TNR: variants seen among roughly 807,000 people sequenced by gnomAD.
The protein encoded by TNR is tenascin-R.
In TNR, 45 loss-of-function variants were observed where a neutral mutation model predicts 150.4. That is an observed-to-expected ratio of 0.30 (90% confidence interval 0.24 to 0.38). TNR has a LOEUF of 0.38. Ranked by LOEUF, TNR falls within the 10% of genes least tolerant of loss-of-function variation. The pLI, the probability that TNR is intolerant of heterozygous loss-of-function variation, is 1.00. For missense variants in TNR, 1,544 were observed against 1,759.1 expected, an observed-to-expected ratio of 0.88 and a Z score of 2.19; for synonymous variants, 687 against 678.4, an observed-to-expected ratio of 1.01 and a Z score of -0.20.
Position 175,359,729 on chromosome 1 carries a change from T to C in TNR, c.2857A>G (p.Met953Val). Residue 953 changes from methionine to valine, a missense_variant and splice_region_variant, in exon 15 of 23, where the codon ATG (methionine) becomes GTG (valine). Coordinates refer to ENST00000367674, the MANE Select transcript of TNR (RefSeq NM_003285.3). ...ERICTLVHTA[M>V]DNPVDLIATN... is the part of the protein sequence containing the mutation. ...GCAATCAGATCCACAGGGTTGTCCATGGCTGAAACAGAATAGATTATCAGT... is the reference window on the plus strand; with the variant it reads ...GCAATCAGATCCACAGGGTTGTCCACGGCTGAAACAGAATAGATTATCAGT... The C allele has an allele frequency of 6.2e-7, 1 of 1,609,674 alleles. No homozygotes were observed.
chr1:175,690,243 G>A lies in TNR; in HGVS notation c.-165+52983C>T, dbSNP rs149074544. Among the ~76,000 whole-genome samples the A allele has an allele frequency of 3.3e-4, 50 of 152,306 alleles. No homozygotes were observed. The East Asian group carries it at 5.2e-3, about 16-fold the overall frequency. ...CTACTACGTGTGGGGTACTGTTATAGGCTCTGAAGTACTGAAGTGACAAAG... is the reference window on the plus strand; with the variant it reads ...CTACTACGTGTGGGGTACTGTTATAAGCTCTGAAGTACTGAAGTGACAAAG... On this transcript the variant is annotated intron_variant, in intron 1 of 22. Transcript: ENST00000367674.
At chr1:175,629,151 C>T (rs992777533) in intron 1 of TNR, among the ~76,000 whole-genome samples, 5 of 152,294 alleles carry the variant, frequency 3.3e-5, no homozygotes, top group African/African-American at 1.2e-4. Context: ...TCTCCAGCAA[C>T]TGATCTTGTC....
intron 1 of TNR, among the ~76,000 whole-genome samples, chr1:175,579,838 A>T (rs1365744139): frequency 1.3e-5 from 2 of 152,056 alleles, no homozygotes; most frequent in African/African-American, 4.8e-5. Flanking sequence ...ATCCCCAGGC[A>T]GGTCCTGCCT....
chr1:175,633,978 T>C (rs1293640460), intron 1 of TNR, among the ~76,000 whole-genome samples: 1 of 152,028 alleles, frequency 6.6e-6, no homozygotes, highest in Non-Finnish European at 1.5e-5. Context: ...TTTGCTTTTT[T>C]CTTTCGTAGG....
chr1:175,406,896 A>G, intron 2 of TNR, 119 bp from the exon 3 acceptor site: 1 of 700,014 alleles, frequency 1.4e-6, no homozygotes, highest in Non-Finnish European at 2.3e-6. Context: ...GGGGGGCGTC[A>G]GGAAGGGACA....
At chr1:175,731,331 A>ATT (rs1454141984) in intron 1 of TNR, among the ~76,000 whole-genome samples, 1 of 152,212 alleles carries the variant, frequency 6.6e-6, no homozygotes, top group African/African-American at 2.4e-5. Flanking sequence ...AAGTCACTGA[A>ATT]ACTCTATAGT....
intron 2 of TNR, among the ~76,000 whole-genome samples, chr1:175,522,579 T>C (rs918429343): frequency 3.1e-4 from 47 of 152,194 alleles, no homozygotes; most frequent in African/African-American, 1.1e-3. Flanking sequence ...AAAATTGCTT[T>C]CTTAAATAGA....
Position 175,484,787 on chromosome 1 carries a change from C to A in TNR, c.-64+43482G>T, listed in dbSNP as rs192114611. 1.2e-4 allele frequency among the ~76,000 whole-genome samples: 19 copies of A among 152,302 alleles called. No homozygotes were observed. The East Asian group carries it at 2.1e-3, about 17-fold the overall frequency. ...AGATGCAGAGATGTCTTTGAGGGGA[C>A]TGGCAGGTCAGCTGTGGATGGAAGA... On this transcript the variant is annotated intron_variant, in intron 2 of 22. Transcript: ENST00000367674.
In TNR at chr1:175,588,070, A is replaced by G. The variant is rs75762225; in HGVS notation, c.-164-59701T>C. On this transcript the variant is annotated intron_variant, in intron 1 of 22. Coordinates refer to ENST00000367674, the MANE Select transcript of TNR (RefSeq NM_003285.3). ...TAAAGAGGGATTGGATTTGTCTTGC[A>G]TAGTGTGAAGAGGTGAAGTTCAAGT... Among the ~76,000 whole-genome samples, 1,390 of 152,320 alleles carry G rather than the reference A, an allele frequency of 9.1e-3. 25 individuals carry two copies. Among genetic ancestry groups the G allele is most frequent in the African/African-American group, 0.031 (1,268 of 41,558 alleles).
At chr1:175,605,828 G>A (rs906941204) in intron 1 of TNR, among the ~76,000 whole-genome samples, 7 of 152,138 alleles carry the variant, frequency 4.6e-5, no homozygotes, top group Non-Finnish European at 8.8e-5. Flanking sequence ...ATCTTTCAGA[G>A]TTTCTTTCCT....
At chr1:175,408,992 G>A (rs975741857) in intron 2 of TNR, among the ~76,000 whole-genome samples, 3 of 152,170 alleles carry the variant, frequency 2.0e-5, no homozygotes, top group African/African-American at 7.2e-5. Flanking sequence ...AATAAACCTT[G>A]GGGATAGGTA....
intron 1 of TNR, among the ~76,000 whole-genome samples, chr1:175,547,789 A>T (rs908094298): frequency 6.6e-6 from 1 of 152,198 alleles, no homozygotes; most frequent in African/African-American, 2.4e-5. Context: ...TTCCATGAGA[A>T]GTGCAAGTCA....
At chr1:175,575,613 G>C (rs1213671216) in intron 1 of TNR, among the ~76,000 whole-genome samples, 1 of 152,186 alleles carries the variant, frequency 6.6e-6, no homozygotes, top group South Asian at 2.1e-4. Flanking sequence ...AGGAGAGAGA[G>C]AGAGTGCCTC....
At chr1:175,343,100 A>G (rs1397210955) in intron 18 of TNR, among the ~76,000 whole-genome samples, 2 of 152,112 alleles carry the variant, frequency 1.3e-5, no homozygotes, top group African/African-American at 2.4e-5. Flanking sequence ...TGACCTTTTT[A>G]TAGTGTGAAT....
rs146986875 is a variant in TNR at position 175,591,669 on chromosome 1, G to C, written c.-164-63300C>G. ...CACAGGCTCTGAAGTCAGCCAATGT[G>C]GTTTTGAAACTTGGTTTTCCCACCT... is the stretch of plus-strand genomic sequence containing the variant. On this transcript the variant is annotated intron_variant, in intron 1 of 22. Coordinates refer to ENST00000367674, the MANE Select transcript of TNR (RefSeq NM_003285.3). 6.6e-4 allele frequency among the ~76,000 whole-genome samples: 100 copies of C among 152,294 alleles called. 1 individual carries two copies. Among genetic ancestry groups the C allele is most frequent in the African/African-American group, 2.3e-3 (97 of 41,564 alleles).
At chr1:175,632,802 T>C (rs1183484903) in intron 1 of TNR, among the ~76,000 whole-genome samples, 2 of 152,162 alleles carry the variant, frequency 1.3e-5, no homozygotes, top group Non-Finnish European at 2.9e-5. Flanking sequence ...CGATGGTACA[T>C]GGGAAAGCTA....
At position 175,386,100 on chromosome 1, in the gene TNR, T is replaced by C; in HGVS notation, c.1709A>G (p.Tyr570Cys). Reference sequence around the variant, plus strand: ...TCGGACGGCACTGACTGACACCTCGTATCGGGAGCCAGGCCGCAGGGCCTG... The same window carrying C: ...TCGGACGGCACTGACTGACACCTCGCATCGGGAGCCAGGCCGCAGGGCCTG... ...SVQALRPGSR[Y>C]EVSVSAVRGT... is the part of the protein sequence containing the mutation. Residue 570 changes from tyrosine to cysteine, a missense_variant, in exon 8 of 23, where the codon TAC (tyrosine) becomes TGC (cysteine). Transcript: ENST00000367674. 6.2e-7 allele frequency: 1 copy of C among 1,612,670 alleles called. No homozygotes were observed.
chr1:175,587,875 C>A (rs1220490528), intron 1 of TNR, among the ~76,000 whole-genome samples: 9 of 152,150 alleles, frequency 5.9e-5, no homozygotes, highest in Admixed American at 5.9e-4. Context: ...ATTCCATTCC[C>A]ATGTAACCAC....
At chr1:175,697,280 C>T (rs1357348627) in intron 1 of TNR, among the ~76,000 whole-genome samples, 1 of 151,612 alleles carries the variant, frequency 6.6e-6, no homozygotes. Context: ...CAAGAGAGAA[C>T]ATTTTTATAA....
Sources: gnomAD v4.1 joint callset for allele counts (sites outside exome capture counted in the v4.1 genomes callset) on GRCh38, gnomAD v4.1.1 for gene constraint, MANE v1.5 for transcripts, NCBI Gene and HGNC (gene_info 2026-07-23, HGNC 2026-07-21) for gene names.